CELF2: variants seen among roughly 807,000 people sequenced by gnomAD.
CELF2 encodes CUG triplet repeat RNA-binding protein 2.
In CELF2, 8 loss-of-function variants were observed where a neutral mutation model predicts 62.6. The ratio of observed to expected loss-of-function variants is 0.13; its 90% CI spans 0.07 to 0.23. The LOEUF is 0.23. CELF2 is among the 10% of genes least tolerant of loss of function. The probability of loss-of-function intolerance (pLI) is 1.00; values close to 1 mark genes in which losing one functional copy is unlikely to be tolerated. For synonymous variants in CELF2, 258 were observed against 250.0 expected (o/e 1.03, Z -0.30); for missense variants, 333 against 671.0 (o/e 0.50, Z 5.56).
At chr10:10,577,410 G>A in the CELF2 span, among the ~76,000 whole-genome samples, 64 of 124,498 alleles carry the variant, frequency 5.1e-4, no homozygotes, top group African/African-American at 1.6e-3. Context: ...TAAGTTTTAG[G>A]GTACATGTGC....
chr10:10,644,441 G>A, the CELF2 span, among the ~76,000 whole-genome samples: 3 of 151,694 alleles, frequency 2.0e-5, no homozygotes, highest in South Asian at 2.1e-4. Context: ...GCACTTCAGA[G>A]CTTCTTCCTG....
the CELF2 span, among the ~76,000 whole-genome samples, chr10:10,778,898 T>C: frequency 6.6e-6 from 1 of 152,088 alleles, no homozygotes; most frequent in African/African-American, 2.4e-5. Flanking sequence ...GGATGTGACA[T>C]TTGAACTTAG....
chr10:11,323,253 T>G (rs929812822), intron 11 of CELF2, among the ~76,000 whole-genome samples: 1 of 151,996 alleles, frequency 6.6e-6, no homozygotes, highest in Non-Finnish European at 1.5e-5. Flanking sequence ...AGTAGCATGC[T>G]TTTGGGTTTT....
At position 11,242,320 on chromosome 10, in the gene CELF2, T is replaced by C. The variant is rs2074187905; in HGVS notation, c.355-6833T>C. 6.6e-6 allele frequency among the ~76,000 whole-genome samples: 1 copy of C among 152,144 alleles called. No homozygotes were observed. The highest frequency in any genetic ancestry group is 2.1e-4 in the South Asian group (1 of 4,824). The stretch of plus-strand genomic sequence containing the variant: ...GGGGTTCAACAAGTTCCAACATGAG[T>C]TCTCCTGTGTGTGAGGAGCCAGCTG... On this transcript the variant is annotated intron_variant, in intron 3 of 12. Transcript: ENST00000633077. This position sits in a 1 kb window ranked among gnomAD's most constrained non-coding sequence, Gnocchi z 4.8.
the CELF2 span, among the ~76,000 whole-genome samples, chr10:10,721,429 C>T: frequency 7.2e-5 from 11 of 152,316 alleles, no homozygotes; most frequent in East Asian, 3.9e-4. Flanking sequence ...ATTGGTAAAA[C>T]GCAAAGCTAC....
chr10:11,069,749 T>C (rs2069240235), intron 1 of CELF2, among the ~76,000 whole-genome samples: 1 of 152,238 alleles, frequency 6.6e-6, no homozygotes, highest in South Asian at 2.1e-4. Context: ...GAAATGAAAG[T>C]GTTTCGTAAT....
chr10:11,134,368 G>A lies in CELF2; in HGVS notation c.75-31118G>A, dbSNP rs78796709. On this transcript the variant is annotated intron_variant, in intron 1 of 12. Transcript: ENST00000633077. ...AAAAAGTGGTGGAGTTGCTAAGGGC[G>A]GATGAGTGTGGCCTCAGAAGACTCA... 1.6e-3 allele frequency among the ~76,000 whole-genome samples: 248 copies of A among 152,352 alleles called. 2 individuals are homozygous for A. The highest frequency in any genetic ancestry group is 5.9e-3 in the African/African-American group (244 of 41,580).
chr10:10,773,915 G>C, the CELF2 span, among the ~76,000 whole-genome samples: 1 of 152,100 alleles, frequency 6.6e-6, no homozygotes, highest in East Asian at 1.9e-4. Flanking sequence ...TGCAAGTGAG[G>C]GTCTGAGTCA....
At chr10:11,116,669 T>A (rs1051630755) in intron 1 of CELF2, among the ~76,000 whole-genome samples, 1 of 152,234 alleles carries the variant, frequency 6.6e-6, no homozygotes, top group Non-Finnish European at 1.5e-5. Context: ...CTTCACTTGT[T>A]AAATTCAGTG....
chr10:11,160,753 G>T (rs75842574), intron 1 of CELF2, among the ~76,000 whole-genome samples: 1 of 151,544 alleles, frequency 6.6e-6, no homozygotes, highest in South Asian at 2.1e-4. Flanking sequence ...TTTTTTGTGT[G>T]TGCTTTTTTA....
chr10:11,171,488 GTT>G (rs1430432718), intron 2 of CELF2: 1 of 152,688 alleles, frequency 6.5e-6, no homozygotes, highest in East Asian at 1.9e-4. Flanking sequence ...CAATGGAAAA[GTT>G]TCTTGAGAAT....
chr10:10,522,081 A>C, the CELF2 span, among the ~76,000 whole-genome samples: 3 of 152,212 alleles, frequency 2.0e-5, no homozygotes, highest in Non-Finnish European at 4.4e-5. Context: ...AAAACCTTGC[A>C]ACTTCCTCAC....
chr10:10,970,101 C>T (rs1043224769), intron 2 of CELF2, among the ~76,000 whole-genome samples: 1 of 152,146 alleles, frequency 6.6e-6, no homozygotes, highest in African/African-American at 2.4e-5. Context: ...CAGGGTCTCA[C>T]TCTGTCACCC....
chr10:10,614,193 G>T, the CELF2 span, among the ~76,000 whole-genome samples: 1 of 151,548 alleles, frequency 6.6e-6, no homozygotes, highest in Non-Finnish European at 1.5e-5. Context: ...AGGTTGATTA[G>T]GTTGACCAGA....
the CELF2 span, among the ~76,000 whole-genome samples, chr10:10,708,446 G>T: frequency 6.6e-6 from 1 of 152,172 alleles, no homozygotes. Flanking sequence ...GACATTAAAT[G>T]ATTCTGAAAA....
At chr10:10,840,969 G>T (rs1024932228) in intron 1 of CELF2, among the ~76,000 whole-genome samples, 1 of 152,112 alleles carries the variant, frequency 6.6e-6, no homozygotes, top group African/African-American at 2.4e-5. Context: ...GTGTTAGTTT[G>T]CTGAGAATGA....
At chr10:11,301,251 A>C (rs901704608) in intron 9 of CELF2, among the ~76,000 whole-genome samples, 5 of 151,974 alleles carry the variant, frequency 3.3e-5, no homozygotes, top group African/African-American at 1.2e-4. Context: ...GGAATACCCA[A>C]GTTCCTCCGC....
chr10:11,100,356 C>G (rs2051224178), intron 1 of CELF2, among the ~76,000 whole-genome samples: 1 of 151,720 alleles, frequency 6.6e-6, no homozygotes, highest in South Asian at 2.1e-4. Context: ...CTAGGAATTC[C>G]ACATACTTTT....
the CELF2 span, among the ~76,000 whole-genome samples, chr10:10,759,611 G>A: frequency 6.6e-6 from 1 of 151,968 alleles, no homozygotes; most frequent in Non-Finnish European, 1.5e-5. Flanking sequence ...GTCTGACCTA[G>A]TGTCCATTTC....
Sources: allele counts gnomAD v4.1 joint callset (sites outside exome capture counted in the v4.1 genomes callset), GRCh38; gene constraint gnomAD v4.1.1; non-coding constraint Gnocchi (gnomAD v3.1); transcripts MANE v1.5; gene names NCBI Gene and HGNC (gene_info 2026-07-23, HGNC 2026-07-21).